The following SLC5A5 variants were observed in gnomAD, a reference collection of about 807,000 sequenced individuals.
SLC5A5 encodes the protein sodium/iodide cotransporter.
A neutral mutation model predicts 68.6 loss-of-function variants in SLC5A5; 56 were observed. That is an observed-to-expected ratio of 0.82 (90% CI 0.66 to 1.02). The LOEUF (loss-of-function observed/expected upper bound fraction) is 1.02, where lower values mean the gene tolerates loss of function less well. Ranked by LOEUF, SLC5A5 falls within the 50% of genes least tolerant of loss-of-function variation. The pLI, the probability that SLC5A5 is intolerant of heterozygous loss-of-function variation, is 0.00. For missense variants in SLC5A5, 807 were observed against 859.8 expected (o/e 0.94, Z 0.77); for synonymous variants, 398 against 373.0 (o/e 1.07, Z -0.77).
chr19:17,880,832 C>G, intron 7 of SLC5A5, 33 bp from the exon 8 acceptor site: 1 of 1,532,828 alleles, frequency 6.5e-7, no homozygotes, highest in Non-Finnish European at 9.0e-7. Flanking sequence ...CGGGGTGCAG[C>G]TGTCTGGGAG....
chr19:17,888,694 G>A (rs558915250), intron 13 of SLC5A5, among the ~76,000 whole-genome samples: 1 of 151,476 alleles, frequency 6.6e-6, no homozygotes, highest in East Asian at 1.9e-4. Flanking sequence ...GTGCAGTGGT[G>A]TGATCTCAGT....
At chr19:17,886,795 G>A (rs2029939498) in intron 12 of SLC5A5, among the ~76,000 whole-genome samples, 1 of 152,174 alleles carries the variant, frequency 6.6e-6, no homozygotes, top group Non-Finnish European at 1.5e-5. Flanking sequence ...GATGAATAAT[G>A]ATGTTGAGCA....
At chr19:17,893,079 GT>G (rs910265974) in intron 14 of SLC5A5, among the ~76,000 whole-genome samples, 3 of 127,670 alleles carry the variant, frequency 2.3e-5, no homozygotes, top group Admixed American at 7.8e-5. Context: ...TTATTTGTGT[GT>G]TTTTTTTCTT....
intron 12 of SLC5A5, among the ~76,000 whole-genome samples, chr19:17,885,625 C>T (rs2147747298): frequency 6.6e-6 from 1 of 152,064 alleles, no homozygotes; most frequent in East Asian, 1.9e-4. Context: ...AAGTGATCTG[C>T]CTGCCTCTGA....
chr19:17,875,747 C>A (rs1230039141), intron 4 of SLC5A5, among the ~76,000 whole-genome samples: 1 of 152,152 alleles, frequency 6.6e-6, no homozygotes, highest in Non-Finnish European at 1.5e-5. Context: ...CACTGCACTC[C>A]AGCCTGGGCA....
In SLC5A5 at chr19:17,872,484, G is replaced by A. The variant is rs1358051585; in HGVS notation, c.165G>A (p.Ala55=). 1.9e-6 allele frequency: 3 copies of A among 1,611,804 alleles called. No individual in the cohort carries two copies. The highest frequency in any genetic ancestry group is 1.7e-5 in the Admixed American group (1 of 59,912). The part of the protein sequence containing the change: ...EDFFTGGRRL[A]ALPVGLSLSA... ...TCTTCACCGGGGGCCGGCGCCTGGCGGCCCTGCCCGTGGGCCTGTCGCTGT... is the reference window on the plus strand; with the variant it reads ...TCTTCACCGGGGGCCGGCGCCTGGCAGCCCTGCCCGTGGGCCTGTCGCTGT... Residue 55 remains alanine (A), a synonymous_variant, in exon 1 of 15, where the codon GCG becomes GCA. Transcript: ENST00000222248.
At chr19:17,880,567 C>G (rs527846344) in intron 7 of SLC5A5, among the ~76,000 whole-genome samples, 28 of 152,238 alleles carry the variant, frequency 1.8e-4, no homozygotes, top group Non-Finnish European at 4.0e-4. Flanking sequence ...CATGGTGGCG[C>G]ACACCTGTGG....
chr19:17,884,240 A>C (rs1215995582), intron 12 of SLC5A5, among the ~76,000 whole-genome samples, 194 bp downstream of exon 12: 2 of 152,200 alleles, frequency 1.3e-5, no homozygotes, highest in Non-Finnish European at 2.9e-5. Context: ...GTTAGGGTGC[A>C]TTTAATGGGA....
intron 14 of SLC5A5, among the ~76,000 whole-genome samples, chr19:17,892,151 G>A (rs1332054450): frequency 6.6e-6 from 1 of 151,948 alleles, no homozygotes; most frequent in African/African-American, 2.4e-5. Flanking sequence ...AAAATTAGCC[G>A]GGCATGGTGG....
intron 4 of SLC5A5, 30 bp downstream of exon 4, chr19:17,874,761 G>A (rs1023659864): frequency 1.9e-6 from 3 of 1,605,348 alleles, no homozygotes; most frequent in African/African-American, 2.7e-5. Context: ...CACTCCATAC[G>A]GGGGATCGGG....
intron 1 of SLC5A5, 98 bp downstream of exon 1, chr19:17,872,774 A>T: frequency 1.3e-6 from 1 of 797,906 alleles, no homozygotes; most frequent in East Asian, 2.5e-5. Flanking sequence ...GTACAGGAGG[A>T]CGCGGATGGC....
chr19:17,894,262 C>G lies in SLC5A5; in HGVS notation c.*385C>G, dbSNP rs903015264. 6.4e-5 allele frequency: 14 copies of G among 219,350 alleles called. No homozygotes were observed. The highest frequency in any genetic ancestry group is 1.1e-4 in the Non-Finnish European group (12 of 108,778). 13.6% of individuals were successfully genotyped at this position (219,350 alleles called of 1,614,324 possible). A position where few individuals can be genotyped will look rare whatever the true frequency, so the allele number is the denominator to read the frequency against. On this transcript the variant is annotated 3_prime_UTR_variant, in exon 15 of 15. Transcript: ENST00000222248. ...TCCCAGGCTCAAGTGATTCTCCTGC[C>G]TCAGCCTCTTGAGTAGCTGGGATTG...
intron 12 of SLC5A5, among the ~76,000 whole-genome samples, chr19:17,884,785 T>C (rs1194523508): frequency 1.3e-5 from 2 of 151,654 alleles, no homozygotes; most frequent in African/African-American, 4.9e-5. Context: ...AATAAATAAA[T>C]TAAAGTGGCA....
At chr19:17,875,628 A>G (rs973469867) in intron 4 of SLC5A5, among the ~76,000 whole-genome samples, 1 of 147,664 alleles carries the variant, frequency 6.8e-6, no homozygotes, top group Non-Finnish European at 1.5e-5. Flanking sequence ...ATTTTTTTTA[A>G]ATTAGTCGGG....
At position 17,874,543 on chromosome 19, in the gene SLC5A5, A is replaced by C; in HGVS notation, c.473A>C (p.Gln158Pro). 6.2e-7 allele frequency: 1 copy of C among 1,613,566 alleles called. No individual in the cohort carries two copies. The highest frequency in any genetic ancestry group is 8.5e-7 in the Non-Finnish European group (1 of 1,179,780). The change falls in exon 3 of 15, where the codon CAA becomes CCA. Residue 158 changes from glutamine (Q) to proline (P), a missense_variant and splice_region_variant. Gln to Pro is a moderately conservative substitution (Grantham distance 76, BLOSUM62 -1). Coordinates refer to ENST00000222248, the MANE Select transcript of SLC5A5 (RefSeq NM_000453.3). The part of the protein sequence containing the change: ...VIYAPALILN[Q>P]VTGLDIWASL... ...TACGCACCGGCCCTCATCCTGAACC[A>C]AGGTGTGACTCTGGGAGATTAGGGA...
intron 5 of SLC5A5, among the ~76,000 whole-genome samples, chr19:17,876,734 C>T (rs1164465148): frequency 3.3e-5 from 5 of 151,994 alleles, no homozygotes; most frequent in South Asian, 2.1e-4. Context: ...TGCTGGCAGG[C>T]GCCTGTAATC....
chr19:17,893,470 G>A (rs927116719), intron 14 of SLC5A5, among the ~76,000 whole-genome samples: 1 of 152,140 alleles, frequency 6.6e-6, no homozygotes. Flanking sequence ...ACTATAGCAG[G>A]CATCTGAGAA....
intron 10 of SLC5A5, among the ~76,000 whole-genome samples, chr19:17,882,690 T>TA (rs2094323546): frequency 1.0e-5 from 1 of 98,492 alleles, no homozygotes; most frequent in African/African-American, 4.0e-5. Flanking sequence ...TATTTTTGTA[T>TA]TTTTTTTTCT....
Position 17,893,903 on chromosome 19 carries a change from AC to A in SLC5A5, c.*29del, listed in dbSNP as rs1568428043. On this transcript the variant is annotated 3_prime_UTR_variant, in exon 15 of 15. Transcript: ENST00000222248. ...GGACAGGGCCAGCCGCGGGACTGAC[AC>A]CCTGGGATGGAACCTCAGGATGGGC... is the stretch of plus-strand genomic sequence containing the variant. The A allele has an allele frequency of 5.8e-6, 9 of 1,551,372 alleles. No individual in the cohort carries two copies. The highest frequency in any genetic ancestry group is 7.9e-6 in the Non-Finnish European group (9 of 1,146,302).
Sources: gnomAD v4.1 joint callset for allele counts (sites outside exome capture counted in the v4.1 genomes callset) on GRCh38, gnomAD v4.1.1 for gene constraint, MANE v1.5 for transcripts, NCBI Gene and HGNC (gene_info 2026-07-23, HGNC 2026-07-21) for gene names.